The following PARVB variants were observed in gnomAD, a reference collection of about 807,000 sequenced individuals.
PARVB encodes the protein beta-parvin.
In PARVB, 46 loss-of-function variants were observed where a neutral mutation model predicts 47.0. The ratio of observed to expected loss-of-function variants is 0.98; its 90% CI spans 0.77 to 1.25. PARVB has a LOEUF of 1.25. Among genes scored for constraint, PARVB ranks in the 50% most tolerant of loss-of-function variants. The pLI is 0.00. For missense variants in PARVB, 473 were observed against 471.6 expected, an observed-to-expected ratio of 1.00 and a Z score of -0.03; for synonymous variants, 196 against 196.3, an observed-to-expected ratio of 1.00 and a Z score of 0.01.
chr22:44,056,125 A>G lies in PARVB; in HGVS notation c.112+31674A>G, dbSNP rs117646553. The stretch of plus-strand genomic sequence containing the variant: ...TTAGTTTTGCCCGACTTTGACCCCA[A>G]TATGACGGGAGCCCCACCGTGCGTG... On this transcript the variant is annotated intron_variant, in intron 1 of 12. Coordinates refer to ENST00000338758, the MANE Select transcript of PARVB (RefSeq NM_013327.5). 8.6e-3 allele frequency among the ~76,000 whole-genome samples: 1,316 copies of G among 152,312 alleles called. 8 individuals are homozygous for G. The highest frequency in any genetic ancestry group is 0.015 in the Admixed American group (228 of 15,304).
chr22:44,089,841 A>G lies in PARVB; in HGVS notation c.113-4087A>G, dbSNP rs2052122145. On this transcript the variant is annotated intron_variant, in intron 1 of 12. Transcript: ENST00000338758. The surrounding 1 kb of genome is among the most constrained non-coding windows in gnomAD (Gnocchi z 4.0). Reference sequence around the variant, plus strand: ...GACATGCTGGCTGTGGTTTGTCTCCACTGCACTCTGCAAAGAGCCCCGAAG... The same window carrying G: ...GACATGCTGGCTGTGGTTTGTCTCCGCTGCACTCTGCAAAGAGCCCCGAAG... Among the ~76,000 whole-genome samples the G allele has an allele frequency of 6.6e-6, 1 of 152,146 alleles. No individual in the cohort carries two copies. Among genetic ancestry groups the G allele is most frequent in the Non-Finnish European group, 1.5e-5 (1 of 68,010 alleles).
At chr22:44,119,214 C>T (rs2052985014) in intron 4 of PARVB, 74 bp downstream of exon 4, 1 of 1,022,608 alleles carries the variant, frequency 9.8e-7, no homozygotes, top group Non-Finnish European at 1.6e-6. Context: ...CCAGGATTCT[C>T]TGCATAGTGA....
At chr22:44,027,137 C>T (rs550899361) in intron 1 of PARVB, among the ~76,000 whole-genome samples, 10 of 152,026 alleles carry the variant, frequency 6.6e-5, no homozygotes, top group Admixed American at 1.3e-4. Context: ...TGGAAAGGAA[C>T]GCCGGAAACC....
At chr22:44,029,360 A>C (rs1242558960) in intron 1 of PARVB, among the ~76,000 whole-genome samples, 1 of 152,178 alleles carries the variant, frequency 6.6e-6, no homozygotes, top group Non-Finnish European at 1.5e-5. Flanking sequence ...TTTGGATACA[A>C]GTCATGTGTT....
chr22:44,078,943 T>C (rs1416482585), intron 1 of PARVB, among the ~76,000 whole-genome samples: 1 of 152,148 alleles, frequency 6.6e-6, no homozygotes, highest in African/African-American at 2.4e-5. Context: ...GCCAGGCTGG[T>C]CTCAAACTCT....
chr22:44,079,122 T>C (rs1327375524), intron 1 of PARVB, among the ~76,000 whole-genome samples: 1 of 152,212 alleles, frequency 6.6e-6, no homozygotes, highest in Non-Finnish European at 1.5e-5. Flanking sequence ...CACTCAACGT[T>C]TCCCGCAATG....
intron 9 of PARVB, chr22:44,150,711 G>C (rs1223516220): frequency 6.6e-6 from 1 of 151,746 alleles, no homozygotes; most frequent in Admixed American, 6.6e-5. Context: ...TAGCTGTCTA[G>C]TGACAGAGTG....
At chr22:44,130,356 T>C (rs963978738) in intron 4 of PARVB, among the ~76,000 whole-genome samples, 1 of 152,184 alleles carries the variant, frequency 6.6e-6, no homozygotes, top group South Asian at 2.1e-4. Flanking sequence ...TCCTTCCTGC[T>C]GTGTGGCCCT....
chr22:44,064,215 C>T (rs1403890695), intron 1 of PARVB, among the ~76,000 whole-genome samples: 9 of 152,160 alleles, frequency 5.9e-5, no homozygotes, highest in South Asian at 2.1e-4. Flanking sequence ...TGCAGCCAGC[C>T]GTATCACCTG....
At chr22:44,063,458 C>G (rs76330778) in intron 1 of PARVB, among the ~76,000 whole-genome samples, 1 of 152,120 alleles carries the variant, frequency 6.6e-6, no homozygotes, top group African/African-American at 2.4e-5. Flanking sequence ...AACTCCTGAC[C>G]TCAGGTGATC....
upstream of PARVB, among the ~76,000 whole-genome samples, chr22:44,019,552 G>C (rs563319756): frequency 6.6e-6 from 1 of 152,338 alleles, no homozygotes; most frequent in Non-Finnish European, 1.5e-5. Context: ...AAGAGGTTTT[G>C]TCGCTCACGG....
chr22:44,007,972 C>G (rs371044281), intron 2 of PARVB, among the ~76,000 whole-genome samples: 4 of 152,166 alleles, frequency 2.6e-5, no homozygotes, highest in African/African-American at 4.8e-5. Context: ...CCTCAAAGTT[C>G]ATCTGCGTTG....
rs940392183 is a variant in PARVB, at chr22:44,132,902, G to A, written c.526G>A (p.Gly176Arg). ...CCTCCTTCCTCCTGCAGCAATTCAC[G>A]GGAAGAACCTGGTGGCCATCCTCCA... ...ALRWSVDSIH[G>R]KNLVAILHLL... The change falls in exon 6 of 13, where the codon GGG becomes AGG. Residue 176 changes from glycine (G) to arginine (R), a missense_variant. Gly to Arg is a moderately radical substitution (Grantham distance 125, BLOSUM62 -2). Transcript: ENST00000338758. 9 of 1,612,630 alleles carry A rather than the reference G, an allele frequency of 5.6e-6. No homozygotes were observed. Among genetic ancestry groups the A allele is most frequent in the Admixed American group, 1.7e-5 (1 of 59,954 alleles).
Position 44,054,882 on chromosome 22 carries a change from C to T in PARVB, c.112+30431C>T, listed in dbSNP as rs377645190. The stretch of plus-strand genomic sequence containing the variant: ...GTGGGCGCCTGTAATCCCAGCTGCT[C>T]GGGAGGCTGAGGCAGGAGAATCACT... On this transcript the variant is annotated intron_variant, in intron 1 of 12. Coordinates refer to ENST00000338758, the MANE Select transcript of PARVB (RefSeq NM_013327.5). Among the ~76,000 whole-genome samples the T allele has an allele frequency of 2.7e-5, 4 of 147,938 alleles. 1 individual carries two copies.
chr22:44,137,439 A>G (rs1413274372), intron 7 of PARVB, among the ~76,000 whole-genome samples: 1 of 152,240 alleles, frequency 6.6e-6, no homozygotes, highest in Non-Finnish European at 1.5e-5. Flanking sequence ...ATTCAGCAGT[A>G]GGAGAAGGGC....
intron 2 of PARVB, among the ~76,000 whole-genome samples, chr22:44,018,112 C>T (rs907615891): frequency 2.6e-5 from 4 of 151,996 alleles, no homozygotes; most frequent in Non-Finnish European, 4.4e-5. Context: ...TGTCAATAAC[C>T]ACATCTCGGC....
At chr22:44,055,558 C>A (rs2051291177) in intron 1 of PARVB, among the ~76,000 whole-genome samples, 1 of 152,064 alleles carries the variant, frequency 6.6e-6, no homozygotes, top group Non-Finnish European at 1.5e-5. Context: ...TGATCTCGAT[C>A]TCCTGACCTC....
At chr22:44,035,953 G>T (rs943125982) in intron 1 of PARVB, among the ~76,000 whole-genome samples, 1 of 152,290 alleles carries the variant, frequency 6.6e-6, no homozygotes, top group East Asian at 1.9e-4. Flanking sequence ...ATTTTATGCA[G>T]TTATTATTGA....
rs899826899 is a variant in PARVB, at chr22:44,068,264, G to A, written c.113-25664G>A. Among the ~76,000 whole-genome samples, 44 of 152,316 alleles carry A rather than the reference G, an allele frequency of 2.9e-4. No individual in the cohort carries two copies. The highest frequency in any genetic ancestry group is 1.0e-3 in the African/African-American group (43 of 41,570). The stretch of plus-strand genomic sequence containing the variant: ...CTGAAATTTGTGGATTCCCACAGCA[G>A]CACATGAGGCTGGTCATTGTTAATA... On this transcript the variant is annotated intron_variant, in intron 1 of 12. Coordinates refer to ENST00000338758, the MANE Select transcript of PARVB (RefSeq NM_013327.5). The surrounding 1 kb of genome is among the most constrained non-coding windows in gnomAD (Gnocchi z 4.1).
Sources: gnomAD v4.1 joint callset for allele counts (sites outside exome capture counted in the v4.1 genomes callset) on GRCh38, gnomAD v4.1.1 for gene constraint, Gnocchi (gnomAD v3.1) non-coding constraint, MANE v1.5 for transcripts, NCBI Gene and HGNC (gene_info 2026-07-23, HGNC 2026-07-21) for gene names.